Variants in PLPPR1 observed in about 807,000 individuals in gnomAD.
PLPPR1 encodes the protein phospholipid phosphatase related 1, also known as phospholipid phosphatase-related protein type 1.
In PLPPR1, 10 loss-of-function variants were observed where a neutral mutation model predicts 33.1. The observed-to-expected ratio is 0.30, with a 90% CI of 0.19 to 0.51. PLPPR1 has a LOEUF of 0.51. Among genes scored for constraint, PLPPR1 ranks in the 20% least tolerant of loss-of-function variants. The probability of loss-of-function intolerance (pLI) is 0.97; values close to 1 mark genes in which losing one functional copy is unlikely to be tolerated. For synonymous variants in PLPPR1, 151 were observed against 151.0 expected (o/e 1.00, Z 0.00); for missense variants, 304 against 408.1 (o/e 0.74, Z 2.20).
intron 2 of PLPPR1, among the ~76,000 whole-genome samples, chr9:101,260,928 T>G (rs1827887148): frequency 6.6e-6 from 1 of 152,008 alleles, no homozygotes; most frequent in Non-Finnish European, 1.5e-5. Context: ...GAAAGAAGAA[T>G]GGAGGAAGAG....
chr9:101,220,456 T>G (rs919075498), intron 2 of PLPPR1, among the ~76,000 whole-genome samples: 1 of 152,206 alleles, frequency 6.6e-6, no homozygotes, highest in Non-Finnish European at 1.5e-5. Context: ...AACTGACTGC[T>G]TTACCTAATC....
chr9:101,309,541 T>C, intron 5 of PLPPR1, 80 bp downstream of exon 5: 1 of 1,480,026 alleles, frequency 6.8e-7, no homozygotes, highest in South Asian at 1.3e-5. Flanking sequence ...CATTCTTTCA[T>C]TGTCACTTAT....
At chr9:101,055,515 A>AT (rs1830269463) in intron 1 of PLPPR1, among the ~76,000 whole-genome samples, 1 of 152,232 alleles carries the variant, frequency 6.6e-6, no homozygotes, top group Admixed American at 6.5e-5. Context: ...TCTCATTTCA[A>AT]ATGGCAGTTT....
rs117108931 is a variant in PLPPR1 at position 101,076,611 on chromosome 9, T to C, written c.-46+47509T>C. 9.8e-3 allele frequency among the ~76,000 whole-genome samples: 1,490 copies of C among 152,330 alleles called. 73 individuals are homozygous for C. In the East Asian group the frequency reaches 0.16, roughly 16 times the overall value. On this transcript the variant is annotated intron_variant, in intron 1 of 7. Coordinates refer to ENST00000374874, the MANE Select transcript of PLPPR1 (RefSeq NM_207299.2). ...ATACACTTGTGGAAATGCAAACCCA[T>C]TATCAATTGTCTTTGAGTACTAATG...
At chr9:101,162,526 C>T (rs527583603) in intron 1 of PLPPR1, among the ~76,000 whole-genome samples, 3 of 152,210 alleles carry the variant, frequency 2.0e-5, no homozygotes, top group Non-Finnish European at 2.9e-5. Flanking sequence ...AATTTTGTGC[C>T]AACAGCATAT....
chr9:101,233,932 G>A (rs1412297968), intron 2 of PLPPR1, among the ~76,000 whole-genome samples: 1 of 151,938 alleles, frequency 6.6e-6, no homozygotes, highest in African/African-American at 2.4e-5. Context: ...TAATTCCAAA[G>A]TCAGCTAAGG....
chr9:101,312,771 C>A, intron 5 of PLPPR1, 27 bp from the exon 6 acceptor site: 1 of 1,604,600 alleles, frequency 6.2e-7, no homozygotes, highest in South Asian at 1.1e-5. Flanking sequence ...GCTGCCTGGT[C>A]ACTCCCTGGC....
intron 1 of PLPPR1, among the ~76,000 whole-genome samples, chr9:101,047,999 C>T (rs1320774183): frequency 6.6e-6 from 1 of 152,138 alleles, no homozygotes; most frequent in Admixed American, 6.5e-5. Context: ...TCAAATTGTG[C>T]CATACCGGTA....
intron 1 of PLPPR1, among the ~76,000 whole-genome samples, chr9:101,030,291 A>G (rs1829928410): frequency 6.6e-6 from 1 of 151,284 alleles, no homozygotes; most frequent in South Asian, 2.1e-4. Flanking sequence ...GTCACTTAGG[A>G]GAGGTGTGAC....
chr9:101,177,389 A>G (rs1035982054), intron 1 of PLPPR1, among the ~76,000 whole-genome samples: 3 of 152,262 alleles, frequency 2.0e-5, no homozygotes, highest in South Asian at 4.1e-4. Flanking sequence ...ACTCATTTTC[A>G]TAATTTCTTT....
At chr9:101,212,544 T>C (rs1826710047) in intron 2 of PLPPR1, among the ~76,000 whole-genome samples, 1 of 152,260 alleles carries the variant, frequency 6.6e-6, no homozygotes, top group Non-Finnish European at 1.5e-5. Context: ...TTTTATCTTA[T>C]GGTAAATGTA....
chr9:101,090,037 CT>C (rs1830723846), intron 1 of PLPPR1, among the ~76,000 whole-genome samples: 2 of 152,286 alleles, frequency 1.3e-5, no homozygotes, highest in East Asian at 1.9e-4. Context: ...TCATCTCTTG[CT>C]TTTTCCAGCT....
intron 1 of PLPPR1, among the ~76,000 whole-genome samples, chr9:101,064,902 C>T (rs935838006): frequency 1.3e-5 from 2 of 151,884 alleles, no homozygotes; most frequent in African/African-American, 4.8e-5. Context: ...GATAACCAAC[C>T]CATTCTCATG....
At chr9:101,311,870 C>T (rs965344185) in intron 5 of PLPPR1, among the ~76,000 whole-genome samples, 4 of 152,064 alleles carry the variant, frequency 2.6e-5, no homozygotes, top group African/African-American at 7.2e-5. Flanking sequence ...CCAATGGTGC[C>T]CTCTAGTGGT....
intron 1 of PLPPR1, among the ~76,000 whole-genome samples, chr9:101,136,620 A>G (rs1183515153): frequency 6.6e-6 from 1 of 152,138 alleles, no homozygotes; most frequent in East Asian, 1.9e-4. Context: ...ATGTTTATTC[A>G]TGAATTGTAT....
chr9:101,249,083 T>A (rs181101720), intron 2 of PLPPR1, among the ~76,000 whole-genome samples: 3 of 152,218 alleles, frequency 2.0e-5, no homozygotes, highest in Admixed American at 2.0e-4. Context: ...AACTTCATGA[T>A]ATGCCAACAC....
intron 1 of PLPPR1, among the ~76,000 whole-genome samples, chr9:101,056,428 A>G (rs574170146): frequency 6.6e-6 from 1 of 152,296 alleles, no homozygotes; most frequent in East Asian, 1.9e-4. Flanking sequence ...AGGTAATTAA[A>G]AAAAAAATCA....
intron 7 of PLPPR1, among the ~76,000 whole-genome samples, chr9:101,318,069 A>C (rs1012862862): frequency 6.6e-6 from 1 of 152,126 alleles, no homozygotes; most frequent in Non-Finnish European, 1.5e-5. Context: ...GGTGGCTCAC[A>C]CCTGTAATCC....
At chr9:101,276,231 A>T (rs1035683793) in intron 3 of PLPPR1, among the ~76,000 whole-genome samples, 25 of 151,576 alleles carry the variant, frequency 1.6e-4, no homozygotes, top group African/African-American at 5.3e-4. Flanking sequence ...TTCCTTTTTT[A>T]AAAAAAAATT....
Sources: allele counts gnomAD v4.1 joint callset (sites outside exome capture counted in the v4.1 genomes callset), GRCh38; gene constraint gnomAD v4.1.1; transcripts MANE v1.5; gene names NCBI Gene and HGNC (gene_info 2026-07-23, HGNC 2026-07-21).